ABHD12: variants seen among roughly 807,000 people sequenced by gnomAD.
ABHD12 encodes abhydrolase domain containing 12, lysophospholipase.
ABHD12 carries 43 observed loss-of-function variants against 58.3 expected under a neutral mutation model. The observed-to-expected ratio is 0.74, with a 90% CI of 0.58 to 0.95. ABHD12 has a LOEUF of 0.95. Among genes scored for constraint, ABHD12 ranks in the 40% least tolerant of loss-of-function variants. The pLI is 0.00. For synonymous variants in ABHD12, 219 were observed against 211.2 expected (o/e 1.04, Z -0.32); for missense variants, 539 against 537.2 (o/e 1.00, Z -0.03).
intron 1 of ABHD12, 65 bp from the exon 2 acceptor site, chr20:25,339,416 T>C (rs141283958): frequency 2.3e-5 from 37 of 1,609,812 alleles, no homozygotes; most frequent in South Asian, 1.2e-4. Flanking sequence ...AGTTTGTTAA[T>C]AGTGTTATCA....
intron 1 of ABHD12, among the ~76,000 whole-genome samples, chr20:25,344,790 G>A (rs550692559): frequency 3.3e-5 from 5 of 152,314 alleles, no homozygotes; most frequent in Admixed American, 2.6e-4. Flanking sequence ...CAAGACAGTG[G>A]TGTACTGTCA....
chr20:25,368,231 G>C (rs1443271547), intron 1 of ABHD12: 1 of 1,430,450 alleles, frequency 7.0e-7, no homozygotes, highest in East Asian at 2.3e-5. Flanking sequence ...CTGAGCTACA[G>C]AAGGAATGGT....
rs750354260 is a variant in ABHD12 at position 25,300,894 on chromosome 20, A to G, written c.1158-10T>C. 3 of 1,613,284 alleles carry G rather than the reference A, an allele frequency of 1.9e-6. No homozygotes were observed. The highest frequency in any genetic ancestry group is 2.2e-5 in the South Asian group (2 of 91,044). ...CTTCCCCAGGAATTCCCTAGACCACAGGACAATCAGGAGCCAATCATTTGA... is the reference window on the plus strand; with the variant it reads ...CTTCCCCAGGAATTCCCTAGACCACGGGACAATCAGGAGCCAATCATTTGA... On this transcript the variant is annotated splice_polypyrimidine_tract_variant and intron_variant, in intron 12 of 12. Coordinates refer to ENST00000339157, the MANE Select transcript of ABHD12 (RefSeq NM_001042472.3).
intron 1 of ABHD12, among the ~76,000 whole-genome samples, chr20:25,356,062 C>A (rs917581972): frequency 1.3e-5 from 2 of 152,192 alleles, no homozygotes; most frequent in Admixed American, 1.3e-4. Flanking sequence ...ACAAGATCAT[C>A]TGTGTTGATG....
chr20:25,320,440 T>C, intron 3 of ABHD12, 122 bp from the exon 4 acceptor site: 1 of 1,343,944 alleles, frequency 7.4e-7, no homozygotes. Flanking sequence ...AGACCCCATC[T>C]AACTACAGGG....
rs567415362 is a variant in ABHD12, at chr20:25,315,381, T to C, written c.574-411A>G. On this transcript the variant is annotated intron_variant, in intron 5 of 12. Transcript: ENST00000339157. The stretch of plus-strand genomic sequence containing the variant: ...GTGCAGAGACCCCATCTGGGGACCC[T>C]TGCTGCAACCCAGTATTTCTTGGAT... 3.3e-5 allele frequency among the ~76,000 whole-genome samples: 5 copies of C among 152,300 alleles called. No individual in the cohort carries two copies. The South Asian group carries it at 6.2e-4, about 19-fold the overall frequency.
intron 1 of ABHD12, among the ~76,000 whole-genome samples, chr20:25,388,667 T>A (rs1298627249): frequency 6.6e-6 from 1 of 152,118 alleles, no homozygotes; most frequent in Non-Finnish European, 1.5e-5. Context: ...CTGGAATGTC[T>A]CTCTTTGTCC....
At chr20:25,368,123 C>T (rs1320037772) in intron 1 of ABHD12, among the ~76,000 whole-genome samples, 2 of 152,002 alleles carry the variant, frequency 1.3e-5, no homozygotes, top group African/African-American at 2.4e-5. Flanking sequence ...CAGCTAGGCA[C>T]GGAAGGGAAC....
chr20:25,344,780 C>G (rs1358380794), intron 1 of ABHD12, among the ~76,000 whole-genome samples: 1 of 152,152 alleles, frequency 6.6e-6, no homozygotes, highest in East Asian at 1.9e-4. Flanking sequence ...CCACAGTAAT[C>G]AAGACAGTGG....
intron 1 of ABHD12, among the ~76,000 whole-genome samples, chr20:25,365,561 G>A (rs2089808480): frequency 1.3e-5 from 2 of 152,128 alleles, no homozygotes; most frequent in African/African-American, 4.8e-5. Flanking sequence ...ACCTAATTTT[G>A]TATGTACAGA....
chr20:25,369,950 G>A (rs1366531718), intron 1 of ABHD12, among the ~76,000 whole-genome samples: 34 of 87,036 alleles, frequency 3.9e-4, no homozygotes, highest in Middle Eastern at 7.7e-3. Context: ...AAAAAAAAAA[G>A]CCCTTTGTAG....
chr20:25,305,405 C>G (rs2088717959), intron 10 of ABHD12, among the ~76,000 whole-genome samples: 1 of 151,506 alleles, frequency 6.6e-6, no homozygotes, highest in Non-Finnish European at 1.5e-5. Flanking sequence ...CTCTGTCGCC[C>G]AGGCTGGAGT....
intron 1 of ABHD12, among the ~76,000 whole-genome samples, chr20:25,349,995 C>G (rs1026571670): frequency 6.6e-6 from 1 of 152,086 alleles, no homozygotes; most frequent in Non-Finnish European, 1.5e-5. Context: ...ATTTCAGGAG[C>G]AAACATATCA....
chr20:25,339,062 A>G, intron 2 of ABHD12, 165 bp downstream of exon 2: 1 of 1,388,036 alleles, frequency 7.2e-7, no homozygotes, highest in Non-Finnish European at 9.5e-7. Flanking sequence ...CTACCTATCT[A>G]TCTCTAAAGA....
chr20:25,299,876 A>G (rs966842363), downstream of ABHD12, among the ~76,000 whole-genome samples: 1 of 152,094 alleles, frequency 6.6e-6, no homozygotes, highest in Non-Finnish European at 1.5e-5. Context: ...AGTAATGTCT[A>G]CTCAGCTGCT....
At chr20:25,360,438 A>C (rs1478136934) in intron 1 of ABHD12, among the ~76,000 whole-genome samples, 1 of 151,328 alleles carries the variant, frequency 6.6e-6, no homozygotes, top group Non-Finnish European at 1.5e-5. Context: ...ACAGGGTTTC[A>C]CCATATTGGC....
At position 25,309,557 on chromosome 20, in the gene ABHD12, C is replaced by T; in HGVS notation, c.638G>A (p.Gly213Glu). 6.2e-7 allele frequency: 1 copy of T among 1,614,172 alleles called. No homozygotes were observed. The highest frequency in any genetic ancestry group is 8.5e-7 in the Non-Finnish European group (1 of 1,180,012). Residue 213 changes from glycine (G) to glutamate (E), a missense_variant, in exon 7 of 13, where the codon GGA (glycine) becomes GAA (glutamate). By Grantham distance (98) the Gly-to-Glu change is moderately conservative. Transcript: ENST00000339157. ...FDYRGWGDSV[G>E]TPSERGMTYD... ...GGTCATGCCCCGCTCAGATGGCGTTCCCACTGAGTCACCCCAACCTGGGAG... is the reference window on the plus strand; with the variant it reads ...GGTCATGCCCCGCTCAGATGGCGTTTCCACTGAGTCACCCCAACCTGGGAG...
chr20:25,383,966 A>AG (rs1226970352), intron 1 of ABHD12, among the ~76,000 whole-genome samples: 134 of 135,106 alleles, frequency 9.9e-4, no homozygotes, highest in African/African-American at 3.5e-3. Flanking sequence ...AAAAAAAAAA[A>AG]AAAAAAAAGA....
intron 1 of ABHD12, chr20:25,390,076 C>G (rs1018424388): frequency 2.6e-5 from 4 of 154,940 alleles, no homozygotes; most frequent in African/African-American, 9.6e-5. Context: ...GGGTCTGGCG[C>G]CGGCCCCTCT....
Sources: gnomAD v4.1 joint callset for allele counts (sites outside exome capture counted in the v4.1 genomes callset) on GRCh38, gnomAD v4.1.1 for gene constraint, MANE v1.5 for transcripts, NCBI Gene and HGNC (gene_info 2026-07-23, HGNC 2026-07-21) for gene names.